Variants in STRN3 observed in about 807,000 individuals in gnomAD.
The protein encoded by STRN3 is striatin-3.
Under a neutral mutation model 95.6 loss-of-function variants are expected in STRN3, and 29 were observed. The ratio of observed to expected loss-of-function variants is 0.30; its 90% confidence interval spans 0.23 to 0.41. The LOEUF (loss-of-function observed/expected upper bound fraction) is 0.41, where lower values mean the gene tolerates loss of function less well. Ranked by LOEUF, STRN3 falls within the 10% of genes least tolerant of loss-of-function variation. The pLI is 1.00. For missense variants in STRN3, 890 were observed against 972.1 expected (o/e 0.92, Z 1.12); for synonymous variants, 331 against 357.6 (o/e 0.93, Z 0.84).
At chr14:30,989,380 T>C (rs1009542609) in intron 1 of STRN3, among the ~76,000 whole-genome samples, 1 of 152,202 alleles carries the variant, frequency 6.6e-6, no homozygotes, top group Non-Finnish European at 1.5e-5. Context: ...CCCAATGATA[T>C]AGTGACTATT....
At chr14:30,998,014 C>T (rs1294428304) in intron 1 of STRN3, among the ~76,000 whole-genome samples, 2 of 152,138 alleles carry the variant, frequency 1.3e-5, no homozygotes, top group African/African-American at 2.4e-5. Flanking sequence ...GGCATTTTAA[C>T]TTGCTACTCC....
chr14:31,009,309 C>T (rs76887633), intron 1 of STRN3, among the ~76,000 whole-genome samples: 8,115 of 152,198 alleles, frequency 0.053, 290 homozygotes, highest in Non-Finnish European at 0.083. Flanking sequence ...CAATTATTAA[C>T]ATTTTGGGCT....
At chr14:30,967,582 G>C (rs1283726322) in intron 1 of STRN3, among the ~76,000 whole-genome samples, 5 of 152,200 alleles carry the variant, frequency 3.3e-5, no homozygotes, top group Admixed American at 2.6e-4. Flanking sequence ...CCTTAACCCA[G>C]TAACCCGCGG....
intron 14 of STRN3, 68 bp from the exon 15 acceptor site, chr14:30,905,626 ATC>A (rs758971753): frequency 2.8e-5 from 42 of 1,515,274 alleles, no homozygotes; most frequent in African/African-American, 2.0e-4. Flanking sequence ...ACTTTTTGAA[ATC>A]TCTGTTTTTC....
intron 2 of STRN3, 152 bp downstream of exon 2, chr14:30,955,987 C>T (rs1879883558): frequency 3.2e-6 from 2 of 624,048 alleles, no homozygotes; most frequent in African/African-American, 1.9e-5. Context: ...TTTTGCCTTT[C>T]TTTCCCAAGT....
At chr14:30,936,742 G>A (rs1306260199) in intron 5 of STRN3, 118 bp from the exon 6 acceptor site, 8 of 1,181,260 alleles carry the variant, frequency 6.8e-6, no homozygotes, top group Middle Eastern at 2.1e-4. Context: ...ACTACCTACT[G>A]TCTGAGGGCT....
At chr14:30,985,684 C>CT (rs1272426923) in intron 1 of STRN3, among the ~76,000 whole-genome samples, 4 of 148,074 alleles carry the variant, frequency 2.7e-5, no homozygotes, top group African/African-American at 9.9e-5. Flanking sequence ...TAAGAAGAAA[C>CT]TTTAAGATCT....
At position 30,912,169 on chromosome 14, in the gene STRN3, T is replaced by C; in HGVS notation, c.1388A>G (p.Lys463Arg). The change falls in exon 11 of 18, where the codon AAA becomes AGA. Residue 463 changes from lysine (K) to arginine (R), a missense_variant. Physicochemically the swap from Lys to Arg is conservative, Grantham distance 26 (BLOSUM62 2). Coordinates refer to ENST00000357479, the MANE Select transcript of STRN3 (RefSeq NM_001083893.2). ...ADYSYDLPAN[K>R]DAFRKTWNPK... Reference sequence around the variant, plus strand: ...ATTCCATGTCTTTCGAAAGGCATCTTTATTAGCAGGCAACTAAAAGGAAAG... The same window carrying C: ...ATTCCATGTCTTTCGAAAGGCATCTCTATTAGCAGGCAACTAAAAGGAAAG... 6.2e-7 allele frequency: 1 copy of C among 1,611,164 alleles called. No individual in the cohort carries two copies. Among genetic ancestry groups the C allele is most frequent in the East Asian group, 2.2e-5 (1 of 44,854 alleles).
chr14:30,992,438 GAAGT>G (rs915125612), intron 1 of STRN3, among the ~76,000 whole-genome samples: 14 of 151,110 alleles, frequency 9.3e-5, no homozygotes, highest in Admixed American at 8.6e-4. Flanking sequence ...AAAAGAAAAA[GAAGT>G]AAGTGTCTTG....
At chr14:30,940,683 A>C (rs1202471906) in intron 5 of STRN3, among the ~76,000 whole-genome samples, 1 of 152,188 alleles carries the variant, frequency 6.6e-6, no homozygotes, top group East Asian at 1.9e-4. Flanking sequence ...TCAATCTGGA[A>C]ACAAACATCC....
At chr14:30,992,412 A>G (rs1322552457) in intron 1 of STRN3, among the ~76,000 whole-genome samples, 5 of 151,832 alleles carry the variant, frequency 3.3e-5, no homozygotes, top group Non-Finnish European at 7.4e-5. Context: ...CTCAAAAAAA[A>G]AAAAGAAAAG....
rs148780062 is a variant in STRN3, at chr14:30,911,690, T to C, written c.1598+87A>G. ...AATACATCTTTTCTAATACAAAACA[T>C]TGAGAAAATTACAAGGTTTGAGGAC... On this transcript the variant is annotated intron_variant, in intron 12 of 17. Transcript: ENST00000357479. 2.2e-5 allele frequency: 26 copies of C among 1,193,272 alleles called. No homozygotes were observed. In the African/African-American group the frequency reaches 2.6e-4, roughly 12 times the overall value. 73.9% of individuals were successfully genotyped at this position (1,193,272 alleles called of 1,614,324 possible). A position where few individuals can be genotyped will look rare whatever the true frequency, so the allele number is the denominator to read the frequency against.
chr14:30,984,266 T>TAAAAAAAA (rs755650146), intron 1 of STRN3, among the ~76,000 whole-genome samples: 1 of 86,874 alleles, frequency 1.2e-5, no homozygotes, highest in Non-Finnish European at 2.0e-5. Flanking sequence ...TGAGGAATTC[T>TAAAAAAAA]AAAAAAAAAA....
At chr14:30,914,209 A>G (rs181535482) in intron 9 of STRN3, among the ~76,000 whole-genome samples, 21 of 152,336 alleles carry the variant, frequency 1.4e-4, no homozygotes, top group African/African-American at 9.6e-5. Context: ...GCTATATACT[A>G]TATCAGTTCA....
chr14:31,009,711 TAG>T (rs1882882165), intron 1 of STRN3, among the ~76,000 whole-genome samples: 1 of 150,810 alleles, frequency 6.6e-6, no homozygotes, highest in African/African-American at 2.4e-5. Flanking sequence ...TCAAAATAAA[TAG>T]AAGTGGCTAA....
chr14:30,984,127 G>GCC (rs59078202), intron 1 of STRN3, among the ~76,000 whole-genome samples: 21,622 of 81,238 alleles, frequency 0.27, 2,422 homozygotes, highest in Non-Finnish European at 0.32. Flanking sequence ...CATCTTCCCC[G>GCC]CCCCCCCCAA....
intron 1 of STRN3, among the ~76,000 whole-genome samples, chr14:30,978,995 C>T (rs944293677): frequency 2.3e-5 from 3 of 129,058 alleles, no homozygotes; most frequent in Non-Finnish European, 4.6e-5. Flanking sequence ...GATCATGCCA[C>T]TGCACTCCAG....
At chr14:30,998,152 C>A (rs537440904) in intron 1 of STRN3, among the ~76,000 whole-genome samples, 1 of 152,300 alleles carries the variant, frequency 6.6e-6, no homozygotes, top group African/African-American at 2.4e-5. Flanking sequence ...CCCTAAACAA[C>A]TGTCATCTGA....
chr14:30,921,940 G>A (rs1566436778), intron 8 of STRN3, among the ~76,000 whole-genome samples: 1 of 152,050 alleles, frequency 6.6e-6, no homozygotes. Context: ...ACACAAACAT[G>A]GCTCTCTACA....
Sources: gnomAD v4.1 joint callset for allele counts (sites outside exome capture counted in the v4.1 genomes callset) on GRCh38, gnomAD v4.1.1 for gene constraint, MANE v1.5 for transcripts, NCBI Gene and HGNC (gene_info 2026-07-23, HGNC 2026-07-21) for gene names.